Variants in UBE2D3 observed in about 807,000 individuals in gnomAD.
The protein encoded by UBE2D3 is ubiquitin conjugating enzyme E2 D3.
In UBE2D3, 2 loss-of-function variants were observed where a neutral mutation model predicts 22.8. That is an observed-to-expected ratio of 0.09 (90% CI 0.04 to 0.28). The LOEUF is 0.28. Ranked by LOEUF, UBE2D3 falls within the 10% of genes least tolerant of loss-of-function variation. UBE2D3 has a pLI of 1.00. For synonymous variants in UBE2D3, 56 were observed against 60.4 expected, an observed-to-expected ratio of 0.93 and a Z score of 0.34; for missense variants, 27 against 182.5, an observed-to-expected ratio of 0.15 and a Z score of 4.91.
intron 1 of UBE2D3, among the ~76,000 whole-genome samples, chr4:102,845,336 G>C (rs1411973588): frequency 2.0e-5 from 3 of 152,214 alleles, no homozygotes; most frequent in Admixed American, 1.3e-4. Flanking sequence ...CTGCTCACTG[G>C]AAGTATCTGG....
intron 1 of UBE2D3, among the ~76,000 whole-genome samples, chr4:102,862,599 G>A (rs1030768583): frequency 1.3e-5 from 2 of 152,200 alleles, no homozygotes; most frequent in Non-Finnish European, 2.9e-5. Context: ...TCTGAGAAGA[G>A]AATGCGTAGA....
At chr4:102,799,569 G>T in intron 6 of UBE2D3, 69 bp from the exon 7 acceptor site, 1 of 1,229,332 alleles carries the variant, frequency 8.1e-7, no homozygotes, top group Non-Finnish European at 1.2e-6. Context: ...TCTAAACCGT[G>T]TATTACAAAA....
chr4:102,847,216 C>T (rs1732081875), intron 1 of UBE2D3, among the ~76,000 whole-genome samples: 1 of 152,156 alleles, frequency 6.6e-6, no homozygotes, highest in South Asian at 2.1e-4. Flanking sequence ...CATATCTGCC[C>T]AGTGATTACA....
intron 1 of UBE2D3, among the ~76,000 whole-genome samples, chr4:102,868,072 CTTTTT>C (rs11418599): frequency 8.7e-6 from 1 of 115,252 alleles, no homozygotes. Flanking sequence ...GCTTTAGATT[CTTTTT>C]TTTTTTTTTT....
chr4:102,827,665 C>G (rs1230925593), upstream of UBE2D3: 1 of 986,170 alleles, frequency 1.0e-6, no homozygotes, highest in Non-Finnish European at 1.2e-6. Flanking sequence ...CGAAGCCAGA[C>G]GGCTTGCTTC....
intron 1 of UBE2D3, among the ~76,000 whole-genome samples, chr4:102,862,817 G>A (rs1313023113): frequency 2.0e-5 from 3 of 152,126 alleles, no homozygotes; most frequent in African/African-American, 4.8e-5. Flanking sequence ...TTGGGTTGCT[G>A]TAAAGGAATA....
intron 1 of UBE2D3, among the ~76,000 whole-genome samples, chr4:102,835,632 A>G (rs1033657671): frequency 6.6e-5 from 10 of 152,252 alleles, no homozygotes; most frequent in African/African-American, 2.4e-4. Context: ...GAAAGGAACT[A>G]TGTTGTCTAG....
At chr4:102,813,978 C>T (rs1728433402) in intron 2 of UBE2D3, among the ~76,000 whole-genome samples, 1 of 152,172 alleles carries the variant, frequency 6.6e-6, no homozygotes, top group Non-Finnish European at 1.5e-5. Context: ...CTCATCACAA[C>T]TACTTACAAG....
chr4:102,820,843 G>GT (rs1405755901), intron 2 of UBE2D3, among the ~76,000 whole-genome samples: 7 of 152,174 alleles, frequency 4.6e-5, no homozygotes, highest in Non-Finnish European at 8.8e-5. Context: ...TAGGATTAAT[G>GT]TAAGTATTTC....
At chr4:102,807,059 A>G (rs1727175999) in intron 4 of UBE2D3, among the ~76,000 whole-genome samples, 1 of 152,172 alleles carries the variant, frequency 6.6e-6, no homozygotes, top group African/African-American at 2.4e-5. Context: ...TTGAAACTCA[A>G]AATTAGATGG....
At chr4:102,819,923 C>T (rs1179842783) in intron 2 of UBE2D3, among the ~76,000 whole-genome samples, 2 of 152,252 alleles carry the variant, frequency 1.3e-5, no homozygotes, top group African/African-American at 4.8e-5. Context: ...TTACATGACT[C>T]AAAAGACAAG....
chr4:102,845,078 T>C (rs1421836571), intron 1 of UBE2D3, among the ~76,000 whole-genome samples: 1 of 145,502 alleles, frequency 6.9e-6, no homozygotes, highest in Non-Finnish European at 1.5e-5. Context: ...CGAAACCCCA[T>C]CTCTACCAAA....
intron 1 of UBE2D3, among the ~76,000 whole-genome samples, chr4:102,840,778 G>A (rs1053566834): frequency 2.0e-5 from 3 of 152,172 alleles, no homozygotes; most frequent in Non-Finnish European, 4.4e-5. Flanking sequence ...GGATACCCCA[G>A]TCAAGGTAAC....
chr4:102,857,548 TA>T (rs1451363505), intron 1 of UBE2D3, among the ~76,000 whole-genome samples: 2 of 152,342 alleles, frequency 1.3e-5, no homozygotes, highest in African/African-American at 4.8e-5. Context: ...CTAATAGCCA[TA>T]ACATGTTGAA....
chr4:102,856,761 C>G (rs1732637969), intron 1 of UBE2D3, among the ~76,000 whole-genome samples: 1 of 152,110 alleles, frequency 6.6e-6, no homozygotes, highest in Non-Finnish European at 1.5e-5. Flanking sequence ...GGATACTATA[C>G]ATACTTTCTA....
At chr4:102,799,074 A>G in intron 7 of UBE2D3, 1 of 1,381,880 alleles carries the variant, frequency 7.2e-7, no homozygotes, top group Non-Finnish European at 1.0e-6. Flanking sequence ...AGAAATTTAG[A>G]CCAAATTTTT....
chr4:102,840,070 G>C (rs920837397), intron 1 of UBE2D3, among the ~76,000 whole-genome samples: 2 of 152,196 alleles, frequency 1.3e-5, no homozygotes, highest in Admixed American at 6.5e-5. Flanking sequence ...GAAAACCACA[G>C]TAAGGTATCA....
At position 102,849,638 on chromosome 4, in the gene UBE2D3, A is replaced by G. The variant is rs553126919; in HGVS notation, c.-129+19077T>C. Reference sequence around the variant, plus strand: ...AATGTCTCTGAAGGCCATTTTTGTGAAAAACAAAAACATCTCCAAATGTTA... The same window carrying G: ...AATGTCTCTGAAGGCCATTTTTGTGGAAAACAAAAACATCTCCAAATGTTA... On this transcript the variant is annotated intron_variant, in intron 1 of 7. Transcript: ENST00000338145. Among the ~76,000 whole-genome samples the G allele has an allele frequency of 2.0e-5, 3 of 152,314 alleles. No individual in the cohort carries two copies. In the East Asian group the frequency reaches 5.8e-4, roughly 29 times the overall value.
At chr4:102,822,460 G>A (rs1217653589) in intron 2 of UBE2D3, among the ~76,000 whole-genome samples, 3 of 152,092 alleles carry the variant, frequency 2.0e-5, no homozygotes, top group Non-Finnish European at 1.5e-5. Context: ...AGTGCTTGAA[G>A]AGACTACCCC....
Sources: gnomAD v4.1 joint callset for allele counts (sites outside exome capture counted in the v4.1 genomes callset) on GRCh38, gnomAD v4.1.1 for gene constraint, MANE v1.5 for transcripts, NCBI Gene and HGNC (gene_info 2026-07-23, HGNC 2026-07-21) for gene names.